The following IGF1R variants were observed in gnomAD, a reference collection of about 807,000 sequenced individuals.
IGF1R encodes the protein insulin like growth factor 1 receptor.
A neutral mutation model predicts 144.6 loss-of-function variants in IGF1R; 44 were observed. That is an observed-to-expected ratio of 0.30 (90% CI 0.24 to 0.39). The LOEUF (loss-of-function observed/expected upper bound fraction) is 0.39. Among genes scored for constraint, IGF1R ranks in the 10% least tolerant of loss-of-function variants. The pLI is 1.00. For synonymous variants in IGF1R, 795 were observed against 722.8 expected, an observed-to-expected ratio of 1.10 and a Z score of -1.60; for missense variants, 1,355 against 1,833.7, an observed-to-expected ratio of 0.74 and a Z score of 4.77.
At chr15:98,953,930 C>G (rs543753149) in intron 20 of IGF1R, among the ~76,000 whole-genome samples, 1 of 152,304 alleles carries the variant, frequency 6.6e-6, no homozygotes, top group South Asian at 2.1e-4. Flanking sequence ...CTGAGGCACA[C>G]AGGCCCCATG....
intron 2 of IGF1R, chr15:98,784,292 C>A (rs1213453649): frequency 6.6e-6 from 1 of 152,280 alleles, no homozygotes; most frequent in Non-Finnish European, 1.5e-5. Context: ...TATGGTGCTG[C>A]AAGCTGATAT....
At chr15:98,840,076 A>C (rs1421829055) in intron 2 of IGF1R, among the ~76,000 whole-genome samples, 1 of 152,260 alleles carries the variant, frequency 6.6e-6, no homozygotes, top group African/African-American at 2.4e-5. Context: ...TTTTGCCTAC[A>C]TTAATCACTC....
intron 5 of IGF1R, among the ~76,000 whole-genome samples, chr15:98,903,821 T>C (rs2014596411): frequency 6.6e-6 from 1 of 151,978 alleles, no homozygotes; most frequent in African/African-American, 2.4e-5. Flanking sequence ...AAAGAAAAAA[T>C]CCAGACACAA....
At position 98,717,849 on chromosome 15, in the gene IGF1R, A is replaced by G. The variant is rs8037462; in HGVS notation, c.640+9742A>G. Among the ~76,000 whole-genome samples, 763 of 152,288 alleles carry G rather than the reference A, an allele frequency of 5.0e-3. 10 individuals are homozygous for G. Among genetic ancestry groups the G allele is most frequent in the African/African-American group, 0.018 (742 of 41,566 alleles). On this transcript the variant is annotated intron_variant, in intron 2 of 20. Coordinates refer to ENST00000650285, the MANE Select transcript of IGF1R (RefSeq NM_000875.5). ...ATTGGTAAAGATTACAAAGATGTGC[A>G]TTTTTATGACAACTTTAGGTCTCAC...
At chr15:98,786,909 G>A (rs778152306) in intron 2 of IGF1R, among the ~76,000 whole-genome samples, 1 of 152,176 alleles carries the variant, frequency 6.6e-6, no homozygotes, top group Non-Finnish European at 1.5e-5. Flanking sequence ...ATGGAGAATT[G>A]ATCCTTAGAC....
chr15:98,757,667 T>G (rs2055188451), intron 2 of IGF1R, among the ~76,000 whole-genome samples: 1 of 152,198 alleles, frequency 6.6e-6, no homozygotes, highest in South Asian at 2.1e-4. Context: ...AGCTTTGCTT[T>G]CTTTTTACTT....
In IGF1R at chr15:98,911,349, C is replaced by G. The variant is rs866337046; in HGVS notation, c.1497C>G (p.Thr499=). 6.2e-7 allele frequency: 1 copy of G among 1,614,164 alleles called. No homozygotes were observed. The highest frequency in any genetic ancestry group is 1.6e-4 in the Middle Eastern group (1 of 6,062). ...ACGTCCTGCATTTCACCTCCACCAC[C>G]ACGTCGAAGAATCGCATCATCATAA... ...ESDVLHFTST[T]TSKNRIIITW... Residue 499 remains threonine, a synonymous_variant, in exon 7 of 21, where the codon ACC becomes ACG. Coordinates refer to ENST00000650285, the MANE Select transcript of IGF1R (RefSeq NM_000875.5).
At chr15:98,844,732 C>T (rs2011248846) in intron 2 of IGF1R, among the ~76,000 whole-genome samples, 1 of 151,672 alleles carries the variant, frequency 6.6e-6, no homozygotes, top group African/African-American at 2.4e-5. Flanking sequence ...ATAAATGCTC[C>T]CTTTTTCATA....
intron 19 of IGF1R, among the ~76,000 whole-genome samples, chr15:98,946,793 C>T (rs2016571749): frequency 6.6e-6 from 1 of 152,172 alleles, no homozygotes; most frequent in African/African-American, 2.4e-5. Context: ...GCCGTGAGAA[C>T]TGGCTGCCTG....
At chr15:98,654,417 G>A (rs1201112124) in intron 1 of IGF1R, among the ~76,000 whole-genome samples, 5 of 152,128 alleles carry the variant, frequency 3.3e-5, no homozygotes, top group Non-Finnish European at 7.4e-5. Flanking sequence ...TATTTCAGAA[G>A]TTTTCTGGAT....
chr15:98,738,062 A>G (rs899887954), intron 2 of IGF1R, among the ~76,000 whole-genome samples: 8 of 152,182 alleles, frequency 5.3e-5, no homozygotes, highest in African/African-American at 1.9e-4. Flanking sequence ...GTTTTTCTAT[A>G]TAGCTTGGTC....
chr15:98,901,716 G>T (rs1431072632), intron 5 of IGF1R, among the ~76,000 whole-genome samples: 2 of 152,238 alleles, frequency 1.3e-5, no homozygotes, highest in African/African-American at 4.8e-5. Context: ...GCATGGAGAA[G>T]AGCCAGATAC....
At chr15:98,698,505 G>A (rs932369963) in intron 1 of IGF1R, among the ~76,000 whole-genome samples, 1 of 152,230 alleles carries the variant, frequency 6.6e-6, no homozygotes, top group African/African-American at 2.4e-5. Flanking sequence ...GTCTCCGTGA[G>A]TCTGACTACT....
chr15:98,955,776 G>T (rs898330895), intron 20 of IGF1R, among the ~76,000 whole-genome samples: 3 of 152,230 alleles, frequency 2.0e-5, no homozygotes, highest in Non-Finnish European at 4.4e-5. Flanking sequence ...GGCCAGACAC[G>T]GGCAGGTAGT....
intron 1 of IGF1R, among the ~76,000 whole-genome samples, chr15:98,666,102 A>T (rs1463149478): frequency 1.3e-5 from 2 of 152,222 alleles, no homozygotes; most frequent in African/African-American, 4.8e-5. Flanking sequence ...ACTTGAGGCA[A>T]ATAGGCACAT....
intron 2 of IGF1R, among the ~76,000 whole-genome samples, chr15:98,735,932 G>A (rs1251614085): frequency 6.6e-6 from 1 of 152,222 alleles, no homozygotes; most frequent in Non-Finnish European, 1.5e-5. Context: ...AGAGCCTTGA[G>A]CCATTGCTCA....
chr15:98,702,360 G>T (rs1474335733), intron 1 of IGF1R, among the ~76,000 whole-genome samples: 3 of 151,980 alleles, frequency 2.0e-5, no homozygotes, highest in Non-Finnish European at 4.4e-5. Context: ...TTTTATTATT[G>T]TTTTTTGAGA....
chr15:98,674,977 A>AT (rs71149408), intron 1 of IGF1R, among the ~76,000 whole-genome samples: 68,967 of 99,480 alleles, frequency 0.69, 25,209 homozygotes, highest in East Asian at 0.87. Context: ...GTATTTTACA[A>AT]TTTTTTTTTT....
At chr15:98,722,043 G>A (rs746318479) in intron 2 of IGF1R, among the ~76,000 whole-genome samples, 1 of 152,154 alleles carries the variant, frequency 6.6e-6, no homozygotes, top group Admixed American at 6.5e-5. Flanking sequence ...ATGTGTCTTT[G>A]CAGGTTTCCT....
Sources: allele counts gnomAD v4.1 joint callset (sites outside exome capture counted in the v4.1 genomes callset), GRCh38; gene constraint gnomAD v4.1.1; transcripts MANE v1.5; gene names NCBI Gene and HGNC (gene_info 2026-07-23, HGNC 2026-07-21).